The following ZNF236 variants were observed in gnomAD, a reference collection of about 807,000 sequenced individuals.
ZNF236 encodes regulated by glucose.
Under a neutral mutation model 191.2 loss-of-function variants are expected in ZNF236, and 50 were observed. That is an observed-to-expected ratio of 0.26 (90% confidence interval 0.21 to 0.33). The LOEUF is 0.33. Ranked by LOEUF, ZNF236 falls within the 10% of genes least tolerant of loss-of-function variation. The pLI is 1.00. For missense variants in ZNF236, 1,754 were observed against 2,374.5 expected, an observed-to-expected ratio of 0.74 and a Z score of 5.43; for synonymous variants, 907 against 928.8, an observed-to-expected ratio of 0.98 and a Z score of 0.43.
intron 19 of ZNF236, among the ~76,000 whole-genome samples, chr18:76,918,898 A>C (rs1015347602): frequency 6.6e-6 from 1 of 152,118 alleles, no homozygotes; most frequent in East Asian, 1.9e-4. Flanking sequence ...TAATAACAAG[A>C]AAAAAAGGAT....
intron 11 of ZNF236, among the ~76,000 whole-genome samples, chr18:76,901,056 G>A (rs559122230): frequency 9.2e-5 from 14 of 152,334 alleles, no homozygotes; most frequent in Non-Finnish European, 1.6e-4. Context: ...AGATGGTAAA[G>A]CTTACTCACC....
At chr18:76,900,768 G>A (rs891518438) in intron 11 of ZNF236, among the ~76,000 whole-genome samples, 1 of 152,130 alleles carries the variant, frequency 6.6e-6, no homozygotes. Context: ...AAAAAACTAG[G>A]AAAATTAAAA....
intron 3 of ZNF236, 81 bp downstream of exon 3, chr18:76,852,020 T>C: frequency 1.4e-6 from 2 of 1,433,374 alleles, no homozygotes; most frequent in African/African-American, 2.9e-5. Context: ...ATTTTAGATA[T>C]AAACTTGTTT....
intron 26 of ZNF236, among the ~76,000 whole-genome samples, chr18:76,940,258 A>G (rs76206811): frequency 3.0e-4 from 42 of 142,048 alleles, no homozygotes; most frequent in East Asian, 1.1e-3. Context: ...ACGGTGGGCG[A>G]CCCTAGCACT....
intron 2 of ZNF236, among the ~76,000 whole-genome samples, chr18:76,850,930 A>G (rs905135293): frequency 6.6e-6 from 1 of 151,388 alleles, no homozygotes; most frequent in Non-Finnish European, 1.5e-5. Context: ...GTTTATAATG[A>G]TGGATTTGGT....
intron 20 of ZNF236, 103 bp downstream of exon 20, chr18:76,920,161 A>G: frequency 7.6e-7 from 1 of 1,310,776 alleles, no homozygotes; most frequent in South Asian, 1.5e-5. Context: ...TAGTTTCTGA[A>G]CCTGGTGTCA....
intron 12 of ZNF236, 93 bp from the exon 13 acceptor site, chr18:76,905,062 T>G: frequency 7.7e-7 from 1 of 1,294,768 alleles, no homozygotes; most frequent in Non-Finnish European, 1.0e-6. Flanking sequence ...AATGTGATGA[T>G]GAAGTGAAGC....
intron 30 of ZNF236, among the ~76,000 whole-genome samples, chr18:76,961,304 A>G (rs1252343736): frequency 6.6e-6 from 1 of 151,248 alleles, no homozygotes; most frequent in Admixed American, 6.6e-5. Flanking sequence ...ATGGCCTTCA[A>G]TTTCATCCAG....
At chr18:76,911,802 G>A (rs1361401918) in intron 16 of ZNF236, among the ~76,000 whole-genome samples, 4 of 152,170 alleles carry the variant, frequency 2.6e-5, no homozygotes, top group African/African-American at 9.7e-5. Context: ...GGAAGGGATG[G>A]GGTCAGTGTG....
Position 76,827,475 on chromosome 18 carries a change from G to A in ZNF236, c.55+4813G>A, listed in dbSNP as rs144638683. Among the ~76,000 whole-genome samples, 1,281 of 152,308 alleles carry A rather than the reference G, an allele frequency of 8.4e-3. 6 individuals carry two copies. The highest frequency in any genetic ancestry group is 0.014 in the Non-Finnish European group (930 of 68,020). ...GCTGAGATTACAGGTATGAGCCACC[G>A]TGCCTGGCTGAACAACTATTTTTAG... On this transcript the variant is annotated intron_variant, in intron 1 of 30. Coordinates refer to ENST00000320610, the MANE Select transcript of ZNF236 (RefSeq NM_001306089.2).
At chr18:76,834,723 C>T in intron 1 of ZNF236, 1 of 442,104 alleles carries the variant, frequency 2.3e-6, no homozygotes, top group South Asian at 1.9e-5. Flanking sequence ...CCTCATACAA[C>T]CTGAACATCA....
intron 13 of ZNF236, among the ~76,000 whole-genome samples, chr18:76,906,864 G>C (rs1394911777): frequency 6.6e-6 from 1 of 152,190 alleles, no homozygotes; most frequent in Non-Finnish European, 1.5e-5. Context: ...AGAGCATCCA[G>C]CCAGGGTTTC....
chr18:76,892,168 G>GTTTTTTTTT (rs34870901), intron 9 of ZNF236, among the ~76,000 whole-genome samples: 10 of 52,776 alleles, frequency 1.9e-4, no homozygotes, highest in Admixed American at 3.6e-4. Flanking sequence ...TTTCTTCTGG[G>GTTTTTTTTT]TTTTTTTTTT....
chr18:76,955,847 C>G (rs1258917568), intron 27 of ZNF236, 138 bp from the exon 28 acceptor site: 1 of 946,620 alleles, frequency 1.1e-6, no homozygotes, highest in African/African-American at 1.6e-5. Flanking sequence ...CTAAATTATC[C>G]TGATGATAGG....
chr18:76,878,243 G>A (rs1020058955), intron 7 of ZNF236, 91 bp downstream of exon 7: 1 of 1,297,350 alleles, frequency 7.7e-7, no homozygotes, highest in East Asian at 2.5e-5. Context: ...GTAGCAAAAA[G>A]GTGCTATGAA....
chr18:76,934,890 G>T (rs1967954678), intron 25 of ZNF236, among the ~76,000 whole-genome samples: 1 of 152,334 alleles, frequency 6.6e-6, no homozygotes, highest in East Asian at 1.9e-4. Context: ...AAGCTATGAG[G>T]TGATATCCCA....
At chr18:76,923,972 G>A (rs937331862) in intron 21 of ZNF236, among the ~76,000 whole-genome samples, 16 of 152,148 alleles carry the variant, frequency 1.1e-4, no homozygotes, top group African/African-American at 3.9e-4. Flanking sequence ...ATGATTATGA[G>A]ACTAATTTAC....
chr18:76,887,450 GT>G (rs1977091505), intron 9 of ZNF236: 1 of 152,148 alleles, frequency 6.6e-6, no homozygotes. Flanking sequence ...TCGATTTACA[GT>G]TTCAGATATC....
intron 3 of ZNF236, among the ~76,000 whole-genome samples, chr18:76,858,443 C>T (rs1338350332): frequency 2.6e-5 from 4 of 152,246 alleles, no homozygotes; most frequent in South Asian, 4.1e-4. Context: ...AGGATGTAGC[C>T]CCTAAAAACA....
Sources: allele counts gnomAD v4.1 joint callset (sites outside exome capture counted in the v4.1 genomes callset), GRCh38; gene constraint gnomAD v4.1.1; transcripts MANE v1.5; gene names NCBI Gene and HGNC (gene_info 2026-07-23, HGNC 2026-07-21).